BDP1: variants seen among roughly 807,000 people sequenced by gnomAD.
The protein encoded by BDP1 is BDP1 general transcription factor IIIB subunit.
A neutral mutation model predicts 266.6 loss-of-function variants in BDP1; 169 were observed. That is an observed-to-expected ratio of 0.63 (90% confidence interval 0.56 to 0.72). The LOEUF is 0.72. BDP1 is among the 30% of genes least tolerant of loss of function. The probability of loss-of-function intolerance (pLI) is 0.00; values close to 1 mark genes in which losing one functional copy is unlikely to be tolerated. For missense variants in BDP1, 3,015 were observed against 3,053.8 expected, an observed-to-expected ratio of 0.99 and a Z score of 0.30; for synonymous variants, 1,090 against 1,022.4, an observed-to-expected ratio of 1.07 and a Z score of -1.26.
chr5:71,562,841 A>G, intron 38 of BDP1: 2 of 1,306,344 alleles, frequency 1.5e-6, no homozygotes, highest in Non-Finnish European at 1.0e-6. Context: ...AAGGAACTGT[A>G]AAACTAGAAT....
intron 32 of BDP1, chr5:71,545,521 G>A (rs948085407): frequency 9.0e-6 from 3 of 332,140 alleles, no homozygotes; most frequent in African/African-American, 4.4e-5. Context: ...TAGTAGAGAC[G>A]GGATTCGCCA....
At position 71,517,306 on chromosome 5, in the gene BDP1, G is replaced by T. The variant is rs1042202791; in HGVS notation, c.4861-16G>T. ...TGCTATAAAAATAACATACTAATATGATTTTGTCTTTTCAGTCAAATTCTC... is the reference window on the plus strand; with the variant it reads ...TGCTATAAAAATAACATACTAATATTATTTTGTCTTTTCAGTCAAATTCTC... On this transcript the variant is annotated splice_polypyrimidine_tract_variant and intron_variant, in intron 21 of 38. Coordinates refer to ENST00000358731, the MANE Select transcript of BDP1 (RefSeq NM_018429.3). 3 of 1,585,222 alleles carry T rather than the reference G, an allele frequency of 1.9e-6. No individual in the cohort carries two copies. Among genetic ancestry groups the T allele is most frequent in the Admixed American group, 1.8e-5 (1 of 54,922 alleles).
rs1763470985 is a variant in BDP1, at chr5:71,489,681, G to A, written c.1491G>A (p.Lys497=). ...QAGPSKGEKH[K]NKCQAIRPEL... Reference sequence around the variant, plus strand: ...GTCCTTCTAAAGGAGAAAAACACAAGAGTAAGTTTCTTACATATTTAAAAA... The same window carrying A: ...GTCCTTCTAAAGGAGAAAAACACAAAAGTAAGTTTCTTACATATTTAAAAA... The change falls in exon 10 of 39, where the codon AAG becomes AAA. Residue 497 remains lysine, a splice_region_variant and synonymous_variant. Coordinates refer to ENST00000358731, the MANE Select transcript of BDP1 (RefSeq NM_018429.3). 1 of 1,598,738 alleles carries A rather than the reference G, an allele frequency of 6.3e-7. No homozygotes were observed. The highest frequency in any genetic ancestry group is 8.5e-7 in the Non-Finnish European group (1 of 1,175,692).
intron 10 of BDP1, among the ~76,000 whole-genome samples, chr5:71,490,315 A>G (rs1323450986): frequency 1.3e-5 from 2 of 152,186 alleles, no homozygotes; most frequent in Non-Finnish European, 2.9e-5. Flanking sequence ...GATTTTAATA[A>G]AAGAGTACTG....
downstream of BDP1, among the ~76,000 whole-genome samples, chr5:71,572,676 A>G (rs1291476789): frequency 6.6e-6 from 1 of 152,212 alleles, no homozygotes; most frequent in African/African-American, 2.4e-5. Flanking sequence ...ATTCATTAAG[A>G]TGCTACAGGA....
chr5:71,537,001 G>A (rs1766644069), intron 26 of BDP1, among the ~76,000 whole-genome samples: 1 of 151,988 alleles, frequency 6.6e-6, no homozygotes, highest in African/African-American at 2.4e-5. Context: ...GGTGGCACAT[G>A]TCTGTAATCC....
intron 14 of BDP1, among the ~76,000 whole-genome samples, 174 bp from the exon 15 acceptor site, chr5:71,502,425 C>T (rs903193632): frequency 7.2e-5 from 11 of 151,958 alleles, no homozygotes; most frequent in Non-Finnish European, 1.3e-4. Context: ...TCGCCCGCCT[C>T]GGCCTCCCAA....
Position 71,524,183 on chromosome 5 carries a change from G to T in BDP1, c.5632G>T (p.Ala1878Ser). 6.2e-7 allele frequency: 1 copy of T among 1,614,208 alleles called. No individual in the cohort carries two copies. Among genetic ancestry groups the T allele is most frequent in the South Asian group, 1.1e-5 (1 of 91,090 alleles). The change falls in exon 25 of 39, where the codon GCT becomes TCT. Residue 1878 changes from alanine to serine, a missense_variant. Transcript: ENST00000358731. ...LRASQEEDDD[A>S]DDFESDYEEE... ...GGCTTCCCAGGAAGAAGATGATGAT[G>T]CTGACGATTTTGAGTCTGACTATGA...
At chr5:71,504,464 A>C (rs935251503) in intron 15 of BDP1, among the ~76,000 whole-genome samples, 157 bp from the exon 16 acceptor site, 5 of 152,182 alleles carry the variant, frequency 3.3e-5, no homozygotes, top group Non-Finnish European at 5.9e-5. Flanking sequence ...GAAATTTTCT[A>C]AGATAGCTAA....
chr5:71,504,786 T>C (rs1764482785), intron 16 of BDP1, 35 bp downstream of exon 16: 1 of 1,598,928 alleles, frequency 6.3e-7, no homozygotes, highest in African/African-American at 1.4e-5. Flanking sequence ...AATCTTTGGA[T>C]TTTGTAAAAA....
intron 4 of BDP1, among the ~76,000 whole-genome samples, chr5:71,465,059 G>A (rs2150354796): frequency 6.6e-6 from 1 of 151,894 alleles, no homozygotes; most frequent in Middle Eastern, 3.4e-3. Flanking sequence ...ATAGAGATAA[G>A]GTTTCACTAT....
intron 12 of BDP1, 74 bp from the exon 13 acceptor site, chr5:71,497,196 C>A: frequency 7.3e-7 from 1 of 1,362,944 alleles, no homozygotes; most frequent in South Asian, 1.4e-5. Context: ...TCCTAATTCT[C>A]AGTAGGTTAT....
chr5:71,536,254 A>T (rs1272696551), intron 26 of BDP1, among the ~76,000 whole-genome samples: 1 of 152,164 alleles, frequency 6.6e-6, no homozygotes, highest in Non-Finnish European at 1.5e-5. Flanking sequence ...TATTGTAATT[A>T]TTTTTAAGTT....
At chr5:71,513,901 T>G (rs1765083439) in intron 19 of BDP1, among the ~76,000 whole-genome samples, 1 of 151,806 alleles carries the variant, frequency 6.6e-6, no homozygotes, top group Non-Finnish European at 1.5e-5. Context: ...TTTTTTGTAT[T>G]TTTAGTAGAG....
chr5:71,464,069 A>G lies in BDP1; in HGVS notation c.611A>G (p.Glu204Gly). 1.3e-6 allele frequency: 2 copies of G among 1,569,518 alleles called. No individual in the cohort carries two copies. Among genetic ancestry groups the G allele is most frequent in the South Asian group, 1.2e-5 (1 of 84,702 alleles). Residue 204 changes from glutamate (E) to glycine (G), a missense_variant, in exon 4 of 39, where the codon GAA becomes GGA. Transcript: ENST00000358731. ...TTTATGTTCAATAGTTCTTCACTGGAACAAGAAAAGAAAACTGAAAAGCCA... is the reference window on the plus strand; with the variant it reads ...TTTATGTTCAATAGTTCTTCACTGGGACAAGAAAAGAAAACTGAAAAGCCA... The part of the protein sequence containing the change: ...PDNNPMTSSL[E>G]QEKKTEKPST...
At chr5:71,502,962 C>T (rs1241263112) in intron 15 of BDP1, among the ~76,000 whole-genome samples, 171 bp downstream of exon 15, 1 of 147,678 alleles carries the variant, frequency 6.8e-6, no homozygotes, top group Non-Finnish European at 1.5e-5. Flanking sequence ...GATCTTGCCT[C>T]ACTGCAACCT....
At chr5:71,556,153 G>T (rs1743204075) in intron 35 of BDP1, among the ~76,000 whole-genome samples, 1 of 152,030 alleles carries the variant, frequency 6.6e-6, no homozygotes. Flanking sequence ...TATTTAGAGA[G>T]CTTACTGAGT....
chr5:71,539,358 G>A (rs1334369545), intron 27 of BDP1, among the ~76,000 whole-genome samples, 199 bp from the exon 28 acceptor site: 1 of 152,176 alleles, frequency 6.6e-6, no homozygotes, highest in Non-Finnish European at 1.5e-5. Flanking sequence ...GGCATGGTCA[G>A]TGAGTCAAAA....
At chr5:71,528,775 G>A (rs1766059526) in intron 25 of BDP1, among the ~76,000 whole-genome samples, 1 of 152,178 alleles carries the variant, frequency 6.6e-6, no homozygotes. Flanking sequence ...TCAAAGTAAA[G>A]ATAGTAAATG....
Sources: gnomAD v4.1 joint callset for allele counts (sites outside exome capture counted in the v4.1 genomes callset) on GRCh38, gnomAD v4.1.1 for gene constraint, MANE v1.5 for transcripts, NCBI Gene and HGNC (gene_info 2026-07-23, HGNC 2026-07-21) for gene names.